SIDT1: variants seen among roughly 807,000 people sequenced by gnomAD.
The protein encoded by SIDT1 is SID1 transmembrane family member 1.
A neutral mutation model predicts 107.5 loss-of-function variants in SIDT1; 101 were observed. That is an observed-to-expected ratio of 0.94 (90% CI 0.80 to 1.11). The LOEUF is 1.11. Among genes scored for constraint, SIDT1 ranks in the 50% least tolerant of loss-of-function variants. SIDT1 has a pLI of 0.00. For missense variants in SIDT1, 1,076 were observed against 1,058.2 expected, an observed-to-expected ratio of 1.02 and a Z score of -0.23; for synonymous variants, 395 against 398.2, an observed-to-expected ratio of 0.99 and a Z score of 0.10.
intron 14 of SIDT1, among the ~76,000 whole-genome samples, chr3:113,605,583 T>C (rs73857004): frequency 0.061 from 9,336 of 152,298 alleles, 992 homozygotes; most frequent in African/African-American, 0.21. Flanking sequence ...TACTTAACAC[T>C]CTGAGCTTTC....
intron 1 of SIDT1, among the ~76,000 whole-genome samples, chr3:113,554,293 G>A (rs1024070205): frequency 2.6e-5 from 4 of 152,130 alleles, no homozygotes; most frequent in African/African-American, 2.4e-5. Flanking sequence ...CCAAGTGTAA[G>A]GGAGCTTAGT....
intron 1 of SIDT1, among the ~76,000 whole-genome samples, chr3:113,565,122 G>A (rs1941780734): frequency 6.6e-6 from 1 of 152,146 alleles, no homozygotes. Context: ...GAATACTAAG[G>A]CATTAGAAAA....
intron 3 of SIDT1, among the ~76,000 whole-genome samples, chr3:113,572,369 G>A (rs559322401): frequency 1.3e-5 from 2 of 152,324 alleles, no homozygotes; most frequent in African/African-American, 4.8e-5. Flanking sequence ...TGGTCCACAT[G>A]ATGCCTGGGC....
chr3:113,589,992 T>A (rs1009675503), intron 9 of SIDT1: 1 of 152,668 alleles, frequency 6.6e-6, no homozygotes, highest in Non-Finnish European at 1.5e-5. Context: ...GGAAGAAATA[T>A]ACAAGCAAGT....
At chr3:113,582,295 A>G (rs1171960353) in intron 6 of SIDT1, among the ~76,000 whole-genome samples, 1 of 152,180 alleles carries the variant, frequency 6.6e-6, no homozygotes, top group African/African-American at 2.4e-5. Flanking sequence ...ACTTACTTAA[A>G]GTACCTGCAG....
chr3:113,615,055 T>C (rs1946007205), intron 19 of SIDT1: 8 of 1,535,710 alleles, frequency 5.2e-6, no homozygotes, highest in African/African-American at 4.1e-5. Context: ...TGCTTCCTAC[T>C]GATTCAGATG....
chr3:113,582,703 T>A (rs941907574), intron 6 of SIDT1, among the ~76,000 whole-genome samples: 2 of 151,958 alleles, frequency 1.3e-5, no homozygotes, highest in African/African-American at 4.8e-5. Flanking sequence ...GCCACCACAC[T>A]CCAGCCTGGG....
chr3:113,623,801 T>C (rs1039729238), intron 23 of SIDT1, 68 bp downstream of exon 23: 80 of 1,015,102 alleles, frequency 7.9e-5, no homozygotes, highest in Non-Finnish European at 1.2e-4. Context: ...CCTTTCTACC[T>C]CCCTCTCTTA....
At chr3:113,563,882 G>C (rs1488516719) in intron 1 of SIDT1, among the ~76,000 whole-genome samples, 1 of 152,092 alleles carries the variant, frequency 6.6e-6, no homozygotes, top group Non-Finnish European at 1.5e-5. Context: ...GTGACTTAGA[G>C]ATATAGACTG....
At chr3:113,583,115 A>G (rs1009141416) in intron 6 of SIDT1, among the ~76,000 whole-genome samples, 3 of 152,228 alleles carry the variant, frequency 2.0e-5, no homozygotes, top group Admixed American at 2.0e-4. Flanking sequence ...TAGGCTATTC[A>G]CATATTATTT....
At chr3:113,600,200 C>G (rs568981654) in intron 10 of SIDT1, among the ~76,000 whole-genome samples, 1 of 152,116 alleles carries the variant, frequency 6.6e-6, no homozygotes, top group African/African-American at 2.4e-5. Flanking sequence ...GTCCCAGCTA[C>G]TCAGGAGGCC....
intron 1 of SIDT1, 75 bp from the exon 2 acceptor site, chr3:113,566,345 T>A: frequency 7.1e-7 from 1 of 1,402,964 alleles, no homozygotes; most frequent in East Asian, 2.3e-5. Context: ...TGTTTGTGTG[T>A]GTGTGTGTGT....
At chr3:113,619,603 G>T (rs1946322649) in intron 20 of SIDT1, 77 bp from the exon 21 acceptor site, 1 of 1,249,180 alleles carries the variant, frequency 8.0e-7, no homozygotes, top group Non-Finnish European at 1.2e-6. Flanking sequence ...TCCCATAGTT[G>T]ATACTTCTAC....
chr3:113,572,996 C>CT (rs67858249), intron 3 of SIDT1, among the ~76,000 whole-genome samples: 22,028 of 145,430 alleles, frequency 0.15, 1,702 homozygotes, highest in Non-Finnish European at 0.19. Context: ...ATTTACATTC[C>CT]TTTTTTTTTT....
At chr3:113,538,254 C>A (rs1938417580) in intron 1 of SIDT1, among the ~76,000 whole-genome samples, 1 of 152,234 alleles carries the variant, frequency 6.6e-6, no homozygotes, top group African/African-American at 2.4e-5. Flanking sequence ...ACATTTTTCT[C>A]AGAGACTGTG....
chr3:113,626,351 C>G (rs41271371), intron 24 of SIDT1, 136 bp downstream of exon 24: 9 of 595,400 alleles, frequency 1.5e-5, no homozygotes, highest in Non-Finnish European at 2.6e-5. Context: ...ATTCAATGTA[C>G]AGACCATCTT....
Position 113,601,629 on chromosome 3 carries a change from A to C in SIDT1, c.1087A>C (p.Thr363Pro), listed in dbSNP as rs754517371. The C allele has an allele frequency of 1.9e-6, 3 of 1,614,032 alleles. No homozygotes were observed. Among genetic ancestry groups the C allele is most frequent in the Non-Finnish European group, 2.5e-6 (3 of 1,179,886 alleles). The change falls in exon 11 of 25, where the codon ACA (threonine) becomes CCA (proline). Residue 363 changes from threonine (T) to proline (P), a missense_variant. Transcript: ENST00000264852. ...GGCATCTCATCCCATTGCTGCCAGC[A>C]CACCCGAAGGGAGCAATTATGGGAC... ...MVASHPIAAS[T>P]PEGSNYGTID...
rs771398588 is a variant in SIDT1 at position 113,576,872 on chromosome 3, T to C, written c.516-50T>C. On this transcript the variant is annotated intron_variant, in intron 3 of 24. Transcript: ENST00000264852. ...TAAATAATTTTTGCTCACTAACTTA[T>C]GCTTTTCTCTCACTTTTCCCCTTTC... 6 of 1,582,352 alleles carry C rather than the reference T, an allele frequency of 3.8e-6. No homozygotes were observed. In the Admixed American group the frequency reaches 1.0e-4, roughly 26 times the overall value.
chr3:113,536,261 C>T (rs1318508084), intron 1 of SIDT1, among the ~76,000 whole-genome samples: 1 of 152,210 alleles, frequency 6.6e-6, no homozygotes, highest in Non-Finnish European at 1.5e-5. Flanking sequence ...TTATCCTACA[C>T]TCACTAAGAG....
Sources: allele counts gnomAD v4.1 joint callset (sites outside exome capture counted in the v4.1 genomes callset), GRCh38; gene constraint gnomAD v4.1.1; transcripts MANE v1.5; gene names NCBI Gene and HGNC (gene_info 2026-07-23, HGNC 2026-07-21).